PLCB1: variants seen among roughly 807,000 people sequenced by gnomAD.
PLCB1 encodes phospholipase C beta 1.
A neutral mutation model predicts 161.8 loss-of-function variants in PLCB1; 46 were observed. The ratio of observed to expected loss-of-function variants is 0.28; its 90% CI spans 0.22 to 0.36. The LOEUF (loss-of-function observed/expected upper bound fraction) is 0.36. Among genes scored for constraint, PLCB1 ranks in the 10% least tolerant of loss-of-function variants. PLCB1 has a pLI of 1.00. For synonymous variants in PLCB1, 517 were observed against 503.7 expected (o/e 1.03, Z -0.35); for missense variants, 1,016 against 1,472.5 (o/e 0.69, Z 5.07).
chr20:8,873,189 A>G (rs866719832), intron 31 of PLCB1, among the ~76,000 whole-genome samples: 2 of 152,214 alleles, frequency 1.3e-5, no homozygotes, highest in Non-Finnish European at 2.9e-5. Flanking sequence ...CTTGGGTAAC[A>G]TGACTAACCT....
At chr20:8,179,101 G>C (rs1390349532) in intron 2 of PLCB1, among the ~76,000 whole-genome samples, 1 of 152,098 alleles carries the variant, frequency 6.6e-6, no homozygotes, top group Non-Finnish European at 1.5e-5. Flanking sequence ...GCTTAGGATT[G>C]CTTTGGCTAT....
chr20:8,733,589 C>G (rs1478783641), intron 19 of PLCB1, among the ~76,000 whole-genome samples, 197 bp downstream of exon 19: 3 of 149,302 alleles, frequency 2.0e-5, no homozygotes, highest in Admixed American at 2.0e-4. Flanking sequence ...GTTCAATTCC[C>G]ATCTATGAAT....
intron 3 of PLCB1, among the ~76,000 whole-genome samples, chr20:8,490,309 A>G (rs1568696532): frequency 6.6e-6 from 1 of 152,230 alleles, no homozygotes; most frequent in African/African-American, 2.4e-5. Context: ...TCTGGAGTGC[A>G]GAGCCACAGT....
At chr20:8,613,111 CTTTA>C (rs1987948015) in intron 3 of PLCB1, among the ~76,000 whole-genome samples, 1 of 152,168 alleles carries the variant, frequency 6.6e-6, no homozygotes, top group African/African-American at 2.4e-5. Context: ...ATGCTCGTCT[CTTTA>C]TTTATTTAAA....
intron 2 of PLCB1, among the ~76,000 whole-genome samples, chr20:8,197,975 T>C (rs1041631744): frequency 6.6e-5 from 10 of 152,148 alleles, no homozygotes; most frequent in Admixed American, 3.9e-4. Flanking sequence ...GTTATAGATG[T>C]GTAGTATTAT....
chr20:8,337,697 T>C, intron 2 of PLCB1, among the ~76,000 whole-genome samples: 1 of 152,204 alleles, frequency 6.6e-6, no homozygotes, highest in East Asian at 1.9e-4. Flanking sequence ...ATTTCAATGT[T>C]GGTTTGAACA....
At chr20:8,481,703 G>A (rs75250855) in intron 3 of PLCB1, among the ~76,000 whole-genome samples, 1 of 152,130 alleles carries the variant, frequency 6.6e-6, no homozygotes, top group Non-Finnish European at 1.5e-5. Flanking sequence ...TAGAGTTTAT[G>A]TGCCTTCTCT....
At chr20:8,147,298 A>G (rs977012668) in intron 1 of PLCB1, among the ~76,000 whole-genome samples, 8 of 152,248 alleles carry the variant, frequency 5.3e-5, no homozygotes, top group Admixed American at 3.9e-4. Context: ...AAAAACCACA[A>G]TCTTATGAAA....
At chr20:8,210,452 A>G (rs541035305) in intron 2 of PLCB1, among the ~76,000 whole-genome samples, 12 of 152,256 alleles carry the variant, frequency 7.9e-5, no homozygotes, top group South Asian at 2.1e-4. Context: ...AATTCATTAA[A>G]TCTGAGAAAT....
chr20:8,777,136 T>A (rs1982981882), intron 27 of PLCB1, among the ~76,000 whole-genome samples: 1 of 152,050 alleles, frequency 6.6e-6, no homozygotes, highest in Non-Finnish European at 1.5e-5. Flanking sequence ...GTCAGAGAGA[T>A]GGGACTTTTG....
At chr20:8,460,175 C>A (rs980155311) in intron 3 of PLCB1, among the ~76,000 whole-genome samples, 1 of 152,168 alleles carries the variant, frequency 6.6e-6, no homozygotes, top group Non-Finnish European at 1.5e-5. Context: ...TTTCTTGAAT[C>A]TTTATTAGTA....
intron 3 of PLCB1, among the ~76,000 whole-genome samples, chr20:8,505,413 G>A (rs1228784047): frequency 6.6e-6 from 1 of 152,252 alleles, no homozygotes; most frequent in Non-Finnish European, 1.5e-5. Context: ...ACTGGTTTTA[G>A]TTACCCCACC....
At chr20:8,147,970 T>A (rs997502601) in intron 1 of PLCB1, among the ~76,000 whole-genome samples, 2 of 151,550 alleles carry the variant, frequency 1.3e-5, no homozygotes, top group Admixed American at 6.6e-5. Flanking sequence ...CCTCCCGGGT[T>A]CATGCCATTC....
intron 2 of PLCB1, among the ~76,000 whole-genome samples, chr20:8,354,385 C>T (rs548627723): frequency 2.0e-4 from 31 of 152,020 alleles, no homozygotes; most frequent in African/African-American, 3.1e-4. Context: ...AGGAAAACTG[C>T]GTAAGATTCA....
At chr20:8,738,238 AAGTCATTT>A (rs1420630633) in intron 20 of PLCB1, among the ~76,000 whole-genome samples, 1 of 152,192 alleles carries the variant, frequency 6.6e-6, no homozygotes, top group East Asian at 1.9e-4. Context: ...GAAGATGCAA[AAGTCATTT>A]GCTTTGAAAA....
chr20:8,814,290 T>C (rs918115673), intron 31 of PLCB1, among the ~76,000 whole-genome samples: 1 of 152,254 alleles, frequency 6.6e-6, no homozygotes, highest in Non-Finnish European at 1.5e-5. Context: ...GACAGGATTC[T>C]GGCCTTTTGG....
chr20:8,217,594 A>C (rs901491400), intron 2 of PLCB1, among the ~76,000 whole-genome samples: 1 of 152,164 alleles, frequency 6.6e-6, no homozygotes, highest in South Asian at 2.1e-4. Flanking sequence ...TATGAAATGC[A>C]GTGTGATTTT....
chr20:8,502,003 A>T (rs2122816580), intron 3 of PLCB1, among the ~76,000 whole-genome samples: 1 of 150,778 alleles, frequency 6.6e-6, no homozygotes, highest in East Asian at 1.9e-4. Flanking sequence ...AATTCCAAAA[A>T]AACAAATATT....
chr20:8,607,636 A>G (rs1381329131), intron 3 of PLCB1, among the ~76,000 whole-genome samples: 1 of 152,032 alleles, frequency 6.6e-6, no homozygotes, highest in Non-Finnish European at 1.5e-5. Flanking sequence ...CAATCCACTC[A>G]TTATTTTACC....
Sources: gnomAD v4.1 joint callset for allele counts (sites outside exome capture counted in the v4.1 genomes callset) on GRCh38, gnomAD v4.1.1 for gene constraint, MANE v1.5 for transcripts, NCBI Gene and HGNC (gene_info 2026-07-23, HGNC 2026-07-21) for gene names.